The following IGF1R variants were observed in gnomAD, a reference collection of about 807,000 sequenced individuals.
IGF1R encodes the protein insulin-like growth factor 1 receptor.
IGF1R carries 44 observed loss-of-function variants against 144.6 expected under a neutral mutation model. That is an observed-to-expected ratio of 0.30 (90% CI 0.24 to 0.39). The LOEUF is 0.39. Among genes scored for constraint, IGF1R ranks in the 10% least tolerant of loss-of-function variants. IGF1R has a pLI of 1.00. For synonymous variants in IGF1R, 795 were observed against 722.8 expected, an observed-to-expected ratio of 1.10 and a Z score of -1.60; for missense variants, 1,355 against 1,833.7, an observed-to-expected ratio of 0.74 and a Z score of 4.77.
At chr15:98,874,347 G>C (rs897129969) in intron 2 of IGF1R, among the ~76,000 whole-genome samples, 1 of 152,170 alleles carries the variant, frequency 6.6e-6, no homozygotes, top group Admixed American at 6.5e-5. Context: ...TGTTTGGCAG[G>C]GTGGGAAGCA....
intron 2 of IGF1R, among the ~76,000 whole-genome samples, chr15:98,787,519 A>G (rs1307397687): frequency 6.6e-6 from 1 of 152,158 alleles, no homozygotes; most frequent in Non-Finnish European, 1.5e-5. Context: ...CACCTTTGCT[A>G]TCAAGAAATG....
intron 2 of IGF1R, among the ~76,000 whole-genome samples, chr15:98,745,956 A>G (rs1341023787): frequency 2.0e-5 from 3 of 152,214 alleles, no homozygotes; most frequent in African/African-American, 7.2e-5. Context: ...TGATAGTAAT[A>G]CGTTAGAAAT....
chr15:98,857,723 A>C (rs1030907924), intron 2 of IGF1R, among the ~76,000 whole-genome samples: 1 of 152,174 alleles, frequency 6.6e-6, no homozygotes, highest in African/African-American at 2.4e-5. Context: ...ATTTTTTTAA[A>C]GTTTTAATTT....
At chr15:98,796,907 C>T (rs2056255898) in intron 2 of IGF1R, among the ~76,000 whole-genome samples, 2 of 152,200 alleles carry the variant, frequency 1.3e-5, no homozygotes, top group South Asian at 4.1e-4. Context: ...GGCTCTCACT[C>T]GCGACTCCTG....
intron 2 of IGF1R, among the ~76,000 whole-genome samples, chr15:98,780,154 A>T (rs1364292295): frequency 1.3e-5 from 2 of 151,732 alleles, no homozygotes; most frequent in Non-Finnish European, 2.9e-5. Flanking sequence ...AAAGTATAAT[A>T]AAAAAATAAA....
intron 2 of IGF1R, among the ~76,000 whole-genome samples, chr15:98,842,716 G>A (rs753545945): frequency 1.1e-4 from 17 of 152,202 alleles, no homozygotes; most frequent in Non-Finnish European, 2.1e-4. Flanking sequence ...GTGCATATGT[G>A]TGTAATGCTT....
intron 1 of IGF1R, chr15:98,660,559 T>C (rs768079442): frequency 2.0e-5 from 3 of 152,264 alleles, no homozygotes; most frequent in Non-Finnish European, 4.4e-5. Context: ...AGCACTTCTT[T>C]GTACAACAAA....
At chr15:98,697,476 C>T (rs948828591) in intron 1 of IGF1R, among the ~76,000 whole-genome samples, 3 of 152,132 alleles carry the variant, frequency 2.0e-5, no homozygotes, top group Non-Finnish European at 2.9e-5. Context: ...TGTGTCCTGA[C>T]GAATCTGACT....
At chr15:98,665,643 G>A (rs2052718004) in intron 1 of IGF1R, among the ~76,000 whole-genome samples, 1 of 152,106 alleles carries the variant, frequency 6.6e-6, no homozygotes. Flanking sequence ...CACAAATTAG[G>A]GTATTTTAAA....
intron 2 of IGF1R, among the ~76,000 whole-genome samples, chr15:98,807,693 T>G (rs1226096280): frequency 1.3e-5 from 2 of 152,260 alleles, no homozygotes; most frequent in Non-Finnish European, 2.9e-5. Context: ...GTGAGGAGTT[T>G]ACAGCAGGGC....
At position 98,938,540 on chromosome 15, in the gene IGF1R, C is replaced by T. The variant is rs150178381; in HGVS notation, c.3298-661C>T. Among the ~76,000 whole-genome samples, 8 of 152,334 alleles carry T rather than the reference C, an allele frequency of 5.3e-5. No individual in the cohort carries two copies. The East Asian group carries it at 1.5e-3, about 29-fold the overall frequency. ...CAAAGAGGAATGCTTATCCCTGTTA[C>T]TTATTCCTGGTTTCCTCCAAGACTA... On this transcript the variant is annotated intron_variant, in intron 17 of 20. Coordinates refer to ENST00000650285, the MANE Select transcript of IGF1R (RefSeq NM_000875.5).
intron 1 of IGF1R, among the ~76,000 whole-genome samples, chr15:98,660,852 TA>T (rs1248694153): frequency 1.3e-5 from 2 of 152,170 alleles, no homozygotes; most frequent in African/African-American, 2.4e-5. Context: ...TTTATGTCTG[TA>T]GTGTGCTTTT....
At chr15:98,855,301 C>T (rs2141570411) in intron 2 of IGF1R, among the ~76,000 whole-genome samples, 1 of 152,330 alleles carries the variant, frequency 6.6e-6, no homozygotes, top group Admixed American at 6.5e-5. Context: ...GTGGGCACCT[C>T]GGACCCAGAC....
At chr15:98,698,135 T>C (rs2053639786) in intron 1 of IGF1R, among the ~76,000 whole-genome samples, 2 of 151,608 alleles carry the variant, frequency 1.3e-5, no homozygotes, top group Admixed American at 1.3e-4. Context: ...GCCTCCCAGG[T>C]TGAAGTGATT....
At position 98,743,297 on chromosome 15, in the gene IGF1R, A is replaced by G. The variant is rs145571283; in HGVS notation, c.640+35190A>G. Among the ~76,000 whole-genome samples the G allele has an allele frequency of 1.4e-3, 208 of 152,328 alleles. No individual in the cohort carries two copies. In the East Asian group the frequency reaches 0.02, roughly 14 times the overall value. On this transcript the variant is annotated intron_variant, in intron 2 of 20. Transcript: ENST00000650285. Reference sequence around the variant, plus strand: ...ACAGGTATACTACCAAGTTCTTACAATGTACCTTTGAGGTAACGAATTTTC... The same window carrying G: ...ACAGGTATACTACCAAGTTCTTACAGTGTACCTTTGAGGTAACGAATTTTC...
At chr15:98,945,445 AAAC>A (rs1378778312) in intron 19 of IGF1R, among the ~76,000 whole-genome samples, 1 of 152,212 alleles carries the variant, frequency 6.6e-6, no homozygotes, top group Non-Finnish European at 1.5e-5. Context: ...CCCCCTGGGG[AAAC>A]AACGTCAAGG....
intron 2 of IGF1R, among the ~76,000 whole-genome samples, chr15:98,784,201 C>T (rs563854352): frequency 6.6e-6 from 1 of 151,980 alleles, no homozygotes; most frequent in African/African-American, 2.4e-5. Flanking sequence ...TTTCAAAGTG[C>T]TGGGATTACA....
chr15:98,811,723 C>G (rs916786281), intron 2 of IGF1R, among the ~76,000 whole-genome samples: 40 of 150,472 alleles, frequency 2.7e-4, no homozygotes, highest in African/African-American at 8.0e-4. Flanking sequence ...TCAGGAGATC[C>G]AGACCATCCT....
chr15:98,959,428 C>T lies in IGF1R; in HGVS notation c.*1986C>T, dbSNP rs1356860301. On this transcript the variant is annotated 3_prime_UTR_variant, in exon 21 of 21. Coordinates refer to ENST00000650285, the MANE Select transcript of IGF1R (RefSeq NM_000875.5). ...GGAACCAGAACATCCCAAGGGAACT[C>T]CTTCGCACTGGCGTTGAGTGGGACC... 1 of 233,866 alleles carries T rather than the reference C, an allele frequency of 4.3e-6. No individual in the cohort carries two copies. Among genetic ancestry groups the T allele is most frequent in the African/African-American group, 2.2e-5 (1 of 45,354 alleles). 14.5% of individuals were successfully genotyped at this position (233,866 alleles called of 1,614,324 possible).
Sources: allele counts gnomAD v4.1 joint callset (sites outside exome capture counted in the v4.1 genomes callset), GRCh38; gene constraint gnomAD v4.1.1; transcripts MANE v1.5; gene names NCBI Gene and HGNC (gene_info 2026-07-23, HGNC 2026-07-21).